The following PROS1 variants were observed in gnomAD, a reference collection of about 807,000 sequenced individuals.
PROS1 encodes vitamin K-dependent protein S.
PROS1 carries 29 observed loss-of-function variants against 75.9 expected under a neutral mutation model. The observed-to-expected ratio is 0.38, with a 90% CI of 0.28 to 0.52. The LOEUF is 0.52. PROS1 is among the 20% of genes least tolerant of loss of function. The pLI is 0.83. For synonymous variants in PROS1, 245 were observed against 280.6 expected (o/e 0.87, Z 1.27); for missense variants, 680 against 810.3 (o/e 0.84, Z 1.95).
rs1419884397 is a variant in PROS1, at chr3:93,876,423, C to T, written c.1870+543G>A. Among the ~76,000 whole-genome samples the T allele has an allele frequency of 2.0e-5, 3 of 151,938 alleles. No homozygotes were observed. The East Asian group carries it at 5.8e-4, about 29-fold the overall frequency. On this transcript the variant is annotated intron_variant, in intron 14 of 14. Coordinates refer to ENST00000394236, the MANE Select transcript of PROS1 (RefSeq NM_000313.4). ...TTAACACGGTGAAACCCCCTCTCTA[C>T]TAAAAATACAAAAAGATTAGCCGGG...
intron 1 of PROS1, among the ~76,000 whole-genome samples, chr3:93,946,003 T>G (rs541549809): frequency 3.3e-5 from 5 of 152,330 alleles, no homozygotes; most frequent in African/African-American, 1.2e-4. Flanking sequence ...CAAGCATTTC[T>G]ATATACCAAT....
chr3:93,951,258 C>A (rs1054515205), intron 1 of PROS1, among the ~76,000 whole-genome samples: 4 of 152,118 alleles, frequency 2.6e-5, no homozygotes, highest in African/African-American at 9.7e-5. Context: ...CAGAAAGACA[C>A]TCCTCGAGAA....
At position 93,927,202 on chromosome 3, in the gene PROS1, A is replaced by T. The variant is rs767881643; in HGVS notation, c.234+48T>A. 1.2e-5 allele frequency: 20 copies of T among 1,607,276 alleles called. No individual in the cohort carries two copies. In the Admixed American group the frequency reaches 2.8e-4, roughly 23 times the overall value. On this transcript the variant is annotated intron_variant, in intron 2 of 14. Transcript: ENST00000394236. ...TACAGGCTGGAAATGTTCAGTCTGT[A>T]GTTGTATGTCTAGATGTGTGAACTT... is the stretch of plus-strand genomic sequence containing the variant.
chr3:93,889,001 C>T (rs1009384333), intron 10 of PROS1, among the ~76,000 whole-genome samples: 2 of 152,200 alleles, frequency 1.3e-5, no homozygotes, highest in South Asian at 4.1e-4. Context: ...CTACACTACT[C>T]TGTGTTATTC....
At chr3:93,963,256 C>G (rs1709735276) in intron 1 of PROS1, among the ~76,000 whole-genome samples, 1 of 152,182 alleles carries the variant, frequency 6.6e-6, no homozygotes, top group South Asian at 2.1e-4. Flanking sequence ...CTATCTGACA[C>G]CTGGTGACCA....
At chr3:93,914,609 T>C (rs1179513465) in intron 3 of PROS1, among the ~76,000 whole-genome samples, 2 of 152,190 alleles carry the variant, frequency 1.3e-5, no homozygotes, top group African/African-American at 4.8e-5. Flanking sequence ...ATCTCTCAAA[T>C]GTCTTTGAGG....
At chr3:93,882,810 T>C (rs1428435209) in intron 12 of PROS1, among the ~76,000 whole-genome samples, 9 of 151,980 alleles carry the variant, frequency 5.9e-5, no homozygotes, top group Admixed American at 1.3e-4. Context: ...CTTAATATGG[T>C]CCTGAAAGCA....
intron 1 of PROS1, among the ~76,000 whole-genome samples, chr3:93,971,153 C>T (rs141908187): frequency 0.018 from 2,708 of 150,830 alleles, 85 homozygotes; most frequent in African/African-American, 0.063. Context: ...ACCAGCCTGG[C>T]CAACATAGTG....
chr3:93,928,810 C>A (rs1189298470), intron 1 of PROS1: 5 of 1,062,600 alleles, frequency 4.7e-6, no homozygotes, highest in Middle Eastern at 4.7e-4. Flanking sequence ...ATAAAGAAAA[C>A]AATATAAACA....
chr3:93,885,794 C>A (rs1383654296), intron 11 of PROS1, among the ~76,000 whole-genome samples: 3 of 152,130 alleles, frequency 2.0e-5, no homozygotes, highest in Admixed American at 2.0e-4. Flanking sequence ...TAATGGAAAT[C>A]TTTTAAAAGT....
intron 3 of PROS1, among the ~76,000 whole-genome samples, chr3:93,917,625 G>T (rs9826711): frequency 2.0e-5 from 3 of 152,056 alleles, no homozygotes; most frequent in Admixed American, 6.5e-5. Flanking sequence ...GGAAAGGCGC[G>T]AGGGGGAACA....
At chr3:93,941,180 TC>T (rs1709282196) in intron 1 of PROS1, among the ~76,000 whole-genome samples, 1 of 152,088 alleles carries the variant, frequency 6.6e-6, no homozygotes, top group African/African-American at 2.4e-5. Context: ...TTCTTTCCAC[TC>T]CTCCACTTCT....
At chr3:93,890,373 C>T (rs1708414927) in intron 10 of PROS1, among the ~76,000 whole-genome samples, 1 of 152,140 alleles carries the variant, frequency 6.6e-6, no homozygotes, top group African/African-American at 2.4e-5. Flanking sequence ...TCTGATTTTG[C>T]CCTTGTCCTG....
In PROS1 at chr3:93,896,247, A is replaced by G. The variant is rs139451953; in HGVS notation, c.965+329T>C. Among the ~76,000 whole-genome samples the G allele has an allele frequency of 2.8e-4, 42 of 152,318 alleles. No individual in the cohort carries two copies. The East Asian group carries it at 7.1e-3, about 26-fold the overall frequency. Reference sequence around the variant, plus strand: ...ATTACCTGGTTTTCATAACATGTGTAAAGAATAATGGAAATTTCACAAGTA... The same window carrying G: ...ATTACCTGGTTTTCATAACATGTGTGAAGAATAATGGAAATTTCACAAGTA... On this transcript the variant is annotated intron_variant, in intron 9 of 14. Coordinates refer to ENST00000394236, the MANE Select transcript of PROS1 (RefSeq NM_000313.4).
intron 1 of PROS1, among the ~76,000 whole-genome samples, chr3:93,952,286 C>A (rs2107245076): frequency 6.6e-6 from 1 of 152,292 alleles, no homozygotes; most frequent in South Asian, 2.1e-4. Flanking sequence ...TTCTTCTCAG[C>A]ACCACATCAC....
intron 1 of PROS1, among the ~76,000 whole-genome samples, chr3:93,937,186 C>T (rs191389969): frequency 7.3e-4 from 111 of 152,222 alleles, no homozygotes; most frequent in African/African-American, 2.6e-3. Flanking sequence ...CTTTTAAGGG[C>T]TCACAAGACT....
At chr3:93,898,373 G>A (rs1708533975) in intron 8 of PROS1, 75 bp downstream of exon 8, 1 of 1,530,554 alleles carries the variant, frequency 6.5e-7, no homozygotes, top group African/African-American at 1.4e-5. Context: ...TCCTGACTTA[G>A]CTATGTGAAA....
chr3:93,892,966 T>A lies in PROS1; in HGVS notation c.1122A>T (p.Gly374=), dbSNP rs1259919236. The part of the protein sequence containing the change: ...KNEHTSKITT[G]GDVINNGLWN... ...ATAGACCATTATTAATAACATCACC[T>A]CCAGTTGTGATTTTGGATGTATGTT... The change falls in exon 10 of 15, where the codon GGA becomes GGT. Residue 374 remains glycine (G), a synonymous_variant. Coordinates refer to ENST00000394236, the MANE Select transcript of PROS1 (RefSeq NM_000313.4). 1 of 1,612,642 alleles carries A rather than the reference T, an allele frequency of 6.2e-7. No homozygotes were observed. Among genetic ancestry groups the A allele is most frequent in the East Asian group, 2.2e-5 (1 of 44,848 alleles).
intron 1 of PROS1, among the ~76,000 whole-genome samples, chr3:93,970,444 T>C (rs1179223997): frequency 6.6e-6 from 1 of 152,120 alleles, no homozygotes; most frequent in East Asian, 1.9e-4. Flanking sequence ...CAAGTGATCT[T>C]CCCACCTTAG....
Sources: allele counts gnomAD v4.1 joint callset (sites outside exome capture counted in the v4.1 genomes callset), GRCh38; gene constraint gnomAD v4.1.1; transcripts MANE v1.5; gene names NCBI Gene and HGNC (gene_info 2026-07-23, HGNC 2026-07-21).